LRFN5: variants seen among roughly 807,000 people sequenced by gnomAD.
The protein encoded by LRFN5 is leucine rich repeat and fibronectin type III domain containing 5.
A neutral mutation model predicts 45.6 loss-of-function variants in LRFN5; 24 were observed. The observed-to-expected ratio is 0.53, with a 90% CI of 0.38 to 0.74. The LOEUF (loss-of-function observed/expected upper bound fraction) is 0.74, where lower values mean the gene tolerates loss of function less well. LRFN5 is among the 30% of genes least tolerant of loss of function. The pLI, the probability that LRFN5 is intolerant of heterozygous loss-of-function variation, is 0.00. For missense variants in LRFN5, 776 were observed against 861.5 expected (o/e 0.90, Z 1.24); for synonymous variants, 340 against 313.8 (o/e 1.08, Z -0.88).
At chr14:41,839,178 T>C (rs956058202) in intron 2 of LRFN5, among the ~76,000 whole-genome samples, 24 of 152,286 alleles carry the variant, frequency 1.6e-4, no homozygotes, top group Non-Finnish European at 2.8e-4. Flanking sequence ...TAGACAGTTC[T>C]ATTAATTACA....
intron 2 of LRFN5, among the ~76,000 whole-genome samples, chr14:41,869,745 T>G (rs1889956546): frequency 6.6e-6 from 1 of 152,028 alleles, no homozygotes; most frequent in Admixed American, 6.6e-5. Context: ...AAACTCCCCC[T>G]TATAAAACCA....
chr14:41,617,216 A>T (rs2138549899), intron 1 of LRFN5, among the ~76,000 whole-genome samples: 1 of 152,226 alleles, frequency 6.6e-6, no homozygotes, highest in South Asian at 2.1e-4. Flanking sequence ...TCTTCATCAT[A>T]TTCTGAGAAG....
chr14:41,650,263 ACAC>A lies in LRFN5; in HGVS notation c.-197+41702_-197+41704del, dbSNP rs1566603393. Among the ~76,000 whole-genome samples the A allele has an allele frequency of 1.6e-3, 233 of 145,584 alleles. 1 individual carries two copies. The highest frequency in any genetic ancestry group is 5.9e-3 in the African/African-American group (223 of 38,096). ...CACACACACACACACACACACACAC[ACAC>A]AAAAAAAAAAAAGATACTTGCAACA... On this transcript the variant is annotated intron_variant, in intron 1 of 5. Coordinates refer to ENST00000298119, the MANE Select transcript of LRFN5 (RefSeq NM_152447.5).
At chr14:41,807,541 A>C (rs1887565683) in intron 2 of LRFN5, among the ~76,000 whole-genome samples, 1 of 152,188 alleles carries the variant, frequency 6.6e-6, no homozygotes, top group South Asian at 2.1e-4. Context: ...ACCATGATCT[A>C]GGCACTGAAA....
At chr14:41,730,155 C>T (rs1884106701) in intron 1 of LRFN5, among the ~76,000 whole-genome samples, 2 of 151,966 alleles carry the variant, frequency 1.3e-5, no homozygotes, top group African/African-American at 4.8e-5. Flanking sequence ...TATTTATTAT[C>T]TCATTACAGA....
intron 3 of LRFN5, among the ~76,000 whole-genome samples, chr14:41,889,833 G>T (rs973134705): frequency 2.0e-5 from 3 of 152,068 alleles, no homozygotes; most frequent in Non-Finnish European, 4.4e-5. Context: ...GGAACTTTTA[G>T]AATGTAGTAG....
chr14:41,691,561 A>T (rs926976177), intron 1 of LRFN5, among the ~76,000 whole-genome samples: 10 of 152,038 alleles, frequency 6.6e-5, no homozygotes, highest in African/African-American at 9.7e-5. Flanking sequence ...GTGCATATAC[A>T]TATATATACA....
At chr14:41,639,411 G>T (rs1443987303) in intron 1 of LRFN5, among the ~76,000 whole-genome samples, 1 of 152,068 alleles carries the variant, frequency 6.6e-6, no homozygotes. Flanking sequence ...TGAAGTGGAG[G>T]TTCTCATTGA....
chr14:41,890,897 G>A (rs1434342693), intron 3 of LRFN5, among the ~76,000 whole-genome samples: 1 of 152,110 alleles, frequency 6.6e-6, no homozygotes, highest in East Asian at 1.9e-4. Context: ...TATTGTAAGT[G>A]CTAAATGGAT....
In LRFN5 at chr14:41,887,043, T is replaced by G. The variant is rs962534837; in HGVS notation, c.418T>G (p.Ser140Ala). Residue 140 changes from serine (S) to alanine (A), a missense_variant, in exon 3 of 6, where the codon TCT (serine) becomes GCT (alanine). Around this residue, in one of 2 missense-constraint regions of LRFN5, gnomAD observed 311 missense variants for 405.1 expected, o/e 0.77. Coordinates refer to ENST00000298119, the MANE Select transcript of LRFN5 (RefSeq NM_152447.5). This position sits in a 1 kb window ranked among gnomAD's most constrained non-coding sequence, Gnocchi z 4.8. ...CAACAATCAGCTGACTTTAATTTCC[T>G]CTACAGCGTTTGATGATGTCTTCGC... ...LNNNQLTLIS[S>A]TAFDDVFALE... 6.2e-7 allele frequency: 1 copy of G among 1,614,086 alleles called. No homozygotes were observed. The highest frequency in any genetic ancestry group is 1.3e-5 in the African/African-American group (1 of 74,946).
intron 1 of LRFN5, among the ~76,000 whole-genome samples, chr14:41,754,944 C>T (rs1885307041): frequency 6.6e-6 from 1 of 151,972 alleles, no homozygotes; most frequent in African/African-American, 2.4e-5. Flanking sequence ...GAATGTGTCC[C>T]AGAGATTCTT....
At chr14:41,819,887 G>A (rs1888051913) in intron 2 of LRFN5, among the ~76,000 whole-genome samples, 1 of 151,862 alleles carries the variant, frequency 6.6e-6, no homozygotes, top group Non-Finnish European at 1.5e-5. Flanking sequence ...TACTGATGTT[G>A]AGCCTTTTTT....
intron 2 of LRFN5, among the ~76,000 whole-genome samples, chr14:41,857,331 A>T (rs114498556): frequency 0.016 from 2,388 of 152,296 alleles, 65 homozygotes; most frequent in African/African-American, 0.055. Context: ...TAACTTATTT[A>T]ATAATACTGT....
At chr14:41,687,622 T>C (rs929027484) in intron 1 of LRFN5, among the ~76,000 whole-genome samples, 2 of 152,180 alleles carry the variant, frequency 1.3e-5, no homozygotes, top group Non-Finnish European at 2.9e-5. Flanking sequence ...GTAAAGAACA[T>C]GTGCTACATA....
chr14:41,831,752 C>T (rs1021324958), intron 2 of LRFN5, among the ~76,000 whole-genome samples: 1 of 152,138 alleles, frequency 6.6e-6, no homozygotes, highest in African/African-American at 2.4e-5. Context: ...TTCCTTCTTA[C>T]CTTATATATT....
chr14:41,677,467 G>T (rs570097587), intron 1 of LRFN5, among the ~76,000 whole-genome samples: 4 of 151,912 alleles, frequency 2.6e-5, no homozygotes, highest in Non-Finnish European at 4.4e-5. Context: ...TATATTTAAA[G>T]AACTAAGAAA....
chr14:41,816,934 C>T (rs961692339), intron 2 of LRFN5, among the ~76,000 whole-genome samples: 2 of 149,174 alleles, frequency 1.3e-5, no homozygotes, highest in Non-Finnish European at 3.0e-5. Flanking sequence ...AATTATTTCT[C>T]AGTTTGGGGT....
intron 1 of LRFN5, among the ~76,000 whole-genome samples, chr14:41,637,924 G>GTTTTGC (rs1879381649): frequency 6.6e-6 from 1 of 152,194 alleles, no homozygotes; most frequent in South Asian, 2.1e-4. Context: ...AGCTTTCTGG[G>GTTTTGC]TTTTGCTTCA....
intron 2 of LRFN5, among the ~76,000 whole-genome samples, chr14:41,854,107 A>C (rs1889369809): frequency 1.3e-5 from 2 of 152,122 alleles, no homozygotes; most frequent in African/African-American, 2.4e-5. Context: ...ATAAGAGAGC[A>C]CCAGAACACA....
Sources: allele counts gnomAD v4.1 joint callset (sites outside exome capture counted in the v4.1 genomes callset), GRCh38; gene constraint gnomAD v4.1.1; regional missense constraint gnomAD v4.1.1; non-coding constraint Gnocchi (gnomAD v3.1); transcripts MANE v1.5; gene names NCBI Gene and HGNC (gene_info 2026-07-23, HGNC 2026-07-21).